Variants in MAGI3 observed in about 807,000 individuals in gnomAD.
MAGI3 encodes membrane-associated guanylate kinase, WW and PDZ domain-containing protein 3.
MAGI3 carries 43 observed loss-of-function variants against 121.8 expected under a neutral mutation model. The ratio of observed to expected loss-of-function variants is 0.35; its 90% CI spans 0.28 to 0.46. The LOEUF (loss-of-function observed/expected upper bound fraction) is 0.46. Among genes scored for constraint, MAGI3 ranks in the 20% least tolerant of loss-of-function variants. The pLI, the probability that MAGI3 is intolerant of heterozygous loss-of-function variation, is 1.00. For missense variants in MAGI3, 1,547 were observed against 1,797.3 expected (o/e 0.86, Z 2.52); for synonymous variants, 553 against 639.3 (o/e 0.86, Z 2.04).
intron 1 of MAGI3, among the ~76,000 whole-genome samples, chr1:113,455,072 G>A (rs897883076): frequency 4.6e-5 from 7 of 151,850 alleles, no homozygotes; most frequent in African/African-American, 9.7e-5. Flanking sequence ...GATAAATAGT[G>A]GGTCAGGGTA....
chr1:113,447,889 T>TA (rs1362527065), intron 1 of MAGI3, among the ~76,000 whole-genome samples: 1 of 151,994 alleles, frequency 6.6e-6, no homozygotes, highest in African/African-American at 2.4e-5. Context: ...CATCAATATA[T>TA]AATTCCAGAA....
At position 113,642,320 on chromosome 1, in the gene MAGI3, T is replaced by C. The variant is rs374438683; in HGVS notation, c.1770T>C (p.Phe590=). ...PLIKGPKGFG[F]AIADSPTGQK... ...TTAAGGGCCCTAAAGGGTTTGGGTTTGCAATTGCTGACAGCCCTACTGGAC... is the reference window on the plus strand; with the variant it reads ...TTAAGGGCCCTAAAGGGTTTGGGTTCGCAATTGCTGACAGCCCTACTGGAC... The change falls in exon 10 of 21, where the codon TTT becomes TTC. Residue 590 remains phenylalanine, a synonymous_variant. Coordinates refer to ENST00000307546, the MANE Select transcript of MAGI3 (RefSeq NM_001142782.2). The C allele has an allele frequency of 3.1e-6, 5 of 1,614,188 alleles. No individual in the cohort carries two copies. The highest frequency in any genetic ancestry group is 1.6e-4 in the Middle Eastern group (1 of 6,062).
At position 113,418,292 on chromosome 1, in the gene MAGI3, C is replaced by A. The variant is rs570748102; in HGVS notation, c.316+26943C>A. 3.5e-4 allele frequency among the ~76,000 whole-genome samples: 54 copies of A among 152,208 alleles called. No homozygotes were observed. In the South Asian group the frequency reaches 0.011, roughly 31 times the overall value. On this transcript the variant is annotated intron_variant, in intron 1 of 20. Coordinates refer to ENST00000307546, the MANE Select transcript of MAGI3 (RefSeq NM_001142782.2). ...TGATTTGTTAGGCTGTGTAGTTTGTCCCCAACCCACTTTTCCTGTTATCTT... is the reference window on the plus strand; with the variant it reads ...TGATTTGTTAGGCTGTGTAGTTTGTACCCAACCCACTTTTCCTGTTATCTT...
In MAGI3 at chr1:113,479,342, G is replaced by T. The variant is rs553444466; in HGVS notation, c.317-70173G>T. On this transcript the variant is annotated intron_variant, in intron 1 of 20. Coordinates refer to ENST00000307546, the MANE Select transcript of MAGI3 (RefSeq NM_001142782.2). ...CCGTCTTCTGCGTTGATCACGTTGG[G>T]AGCTGCAGACCAGAGCTGTTCCTAT... 5.3e-5 allele frequency among the ~76,000 whole-genome samples: 8 copies of T among 152,246 alleles called. No individual in the cohort carries two copies. In the East Asian group the frequency reaches 1.2e-3, roughly 22 times the overall value.
At chr1:113,677,641 A>G (rs1647961263) in intron 19 of MAGI3, among the ~76,000 whole-genome samples, 1 of 152,214 alleles carries the variant, frequency 6.6e-6, no homozygotes, top group South Asian at 2.1e-4. Flanking sequence ...TTTTAAAACG[A>G]CAAGACTGCC....
At chr1:113,434,096 C>A (rs1466499053) in intron 1 of MAGI3, among the ~76,000 whole-genome samples, 4 of 152,078 alleles carry the variant, frequency 2.6e-5, no homozygotes, top group Non-Finnish European at 5.9e-5. Context: ...TAGAGCTGTA[C>A]CCTGGTAGCT....
chr1:113,641,363 G>A (rs1021976850), intron 9 of MAGI3, among the ~76,000 whole-genome samples: 2 of 150,692 alleles, frequency 1.3e-5, no homozygotes, highest in African/African-American at 4.9e-5. Context: ...CTAAAGCTGG[G>A]CTCTGGAGGA....
At chr1:113,508,772 T>C (rs1010732048) in intron 1 of MAGI3, among the ~76,000 whole-genome samples, 12 of 152,334 alleles carry the variant, frequency 7.9e-5, no homozygotes, top group African/African-American at 2.2e-4. Context: ...ACATCTAAGC[T>C]TTATTGATCT....
chr1:113,642,580 T>G, intron 10 of MAGI3, 64 bp downstream of exon 10: 1 of 1,509,648 alleles, frequency 6.6e-7, no homozygotes, highest in African/African-American at 1.4e-5. Context: ...CTGATTGTCT[T>G]TCCTTACAGT....
intron 1 of MAGI3, among the ~76,000 whole-genome samples, chr1:113,410,471 C>T (rs558646402): frequency 3.1e-4 from 47 of 152,010 alleles, no homozygotes; most frequent in African/African-American, 1.1e-3. Context: ...CCGTCCTAGA[C>T]GTGTGAATAC....
chr1:113,624,185 T>C (rs1438893187), intron 9 of MAGI3, among the ~76,000 whole-genome samples: 5 of 152,244 alleles, frequency 3.3e-5, no homozygotes, highest in Admixed American at 2.6e-4. Context: ...CAGATATCTC[T>C]TCAATATACT....
At chr1:113,514,462 C>T (rs1262157245) in intron 1 of MAGI3, among the ~76,000 whole-genome samples, 1 of 151,984 alleles carries the variant, frequency 6.6e-6, no homozygotes, top group African/African-American at 2.4e-5. Context: ...ATGATGAGTT[C>T]ATGTCCTTTG....
intron 1 of MAGI3, among the ~76,000 whole-genome samples, chr1:113,472,273 GC>G (rs1479682947): frequency 2.6e-5 from 4 of 151,516 alleles, no homozygotes; most frequent in Non-Finnish European, 4.4e-5. Flanking sequence ...CGCGATCTCG[GC>G]TCACTGCAAG....
At chr1:113,491,568 A>G (rs1262627310) in intron 1 of MAGI3, among the ~76,000 whole-genome samples, 5 of 152,194 alleles carry the variant, frequency 3.3e-5, no homozygotes. Context: ...AACCATTCAA[A>G]AGATCAGTGA....
chr1:113,600,222 G>C (rs1000365303), intron 6 of MAGI3, among the ~76,000 whole-genome samples: 2 of 152,090 alleles, frequency 1.3e-5, no homozygotes, highest in African/African-American at 2.4e-5. Flanking sequence ...TTCTGGCCAG[G>C]GCAATTAGGC....
intron 6 of MAGI3, among the ~76,000 whole-genome samples, chr1:113,609,640 A>T (rs1459195746): frequency 6.6e-6 from 1 of 152,256 alleles, no homozygotes. Flanking sequence ...AGCTTAGAGA[A>T]TGATTAAAAA....
chr1:113,407,790 A>G (rs1019870007), intron 1 of MAGI3, among the ~76,000 whole-genome samples: 4 of 152,158 alleles, frequency 2.6e-5, no homozygotes, highest in African/African-American at 9.7e-5. Context: ...TGTAAGAATA[A>G]AAGTGAAATT....
intron 1 of MAGI3, among the ~76,000 whole-genome samples, chr1:113,528,245 G>T (rs1207334201): frequency 6.8e-6 from 1 of 147,714 alleles, no homozygotes; most frequent in Admixed American, 6.7e-5. Context: ...GCCTTTAGGT[G>T]TTATACCTCT....
intron 1 of MAGI3, among the ~76,000 whole-genome samples, chr1:113,519,450 T>G (rs1410299339): frequency 6.6e-6 from 1 of 152,188 alleles, no homozygotes; most frequent in Non-Finnish European, 1.5e-5. Flanking sequence ...TGTTTGATAA[T>G]TTTCATTATC....
Sources: gnomAD v4.1 joint callset for allele counts (sites outside exome capture counted in the v4.1 genomes callset) on GRCh38, gnomAD v4.1.1 for gene constraint, MANE v1.5 for transcripts, NCBI Gene and HGNC (gene_info 2026-07-23, HGNC 2026-07-21) for gene names.